CNTN5: variants seen among roughly 807,000 people sequenced by gnomAD.
The protein encoded by CNTN5 is contactin 5, also known as contactin-5.
CNTN5 carries 77 observed loss-of-function variants against 129.1 expected under a neutral mutation model. The observed-to-expected ratio is 0.60, with a 90% CI of 0.50 to 0.72. The LOEUF is 0.72. Ranked by LOEUF, CNTN5 falls within the 30% of genes least tolerant of loss-of-function variation. The pLI is 0.00. For synonymous variants in CNTN5, 509 were observed against 465.6 expected, an observed-to-expected ratio of 1.09 and a Z score of -1.20; for missense variants, 1,478 against 1,328.8, an observed-to-expected ratio of 1.11 and a Z score of -1.75.
At chr11:99,315,873 G>C (rs1865317456) in intron 1 of CNTN5, among the ~76,000 whole-genome samples, 1 of 137,922 alleles carries the variant, frequency 7.3e-6, no homozygotes, top group African/African-American at 2.5e-5. Context: ...ACCTTAGCAA[G>C]AGTTGAATGA....
At chr11:100,035,727 A>T (rs1422267663) in intron 9 of CNTN5, among the ~76,000 whole-genome samples, 1 of 148,862 alleles carries the variant, frequency 6.7e-6, no homozygotes, top group African/African-American at 2.5e-5. Flanking sequence ...GCCAGTGATG[A>T]TGAGCATTTT....
At chr11:100,327,920 C>A (rs1951823895) in intron 21 of CNTN5, among the ~76,000 whole-genome samples, 1 of 152,058 alleles carries the variant, frequency 6.6e-6, no homozygotes, top group Non-Finnish European at 1.5e-5. Context: ...GATTTTTCTT[C>A]TACATTTAAT....
intron 3 of CNTN5, among the ~76,000 whole-genome samples, chr11:99,776,683 A>AAGCAAG (rs1379401760): frequency 4.0e-5 from 6 of 151,800 alleles, no homozygotes; most frequent in Non-Finnish European, 8.8e-5. Context: ...TGCTTGCATA[A>AAGCAAG]ATATACAGCA....
At chr11:99,806,158 A>G (rs1476710175) in intron 3 of CNTN5, among the ~76,000 whole-genome samples, 1 of 152,098 alleles carries the variant, frequency 6.6e-6, no homozygotes, top group African/African-American at 2.4e-5. Context: ...ATTAATTTGG[A>G]CTAAATATTC....
intron 9 of CNTN5, among the ~76,000 whole-genome samples, chr11:100,040,787 A>G (rs1201324480): frequency 1.3e-5 from 2 of 152,204 alleles, no homozygotes; most frequent in African/African-American, 4.8e-5. Flanking sequence ...AGTGCGGGAT[A>G]TAATCTCCTG....
intron 2 of CNTN5, among the ~76,000 whole-genome samples, chr11:99,450,257 A>AATATATATATATATATAT (rs56270711): frequency 2.1e-4 from 30 of 145,990 alleles, no homozygotes; most frequent in Middle Eastern, 3.6e-3. Flanking sequence ...TGCTGGTAGA[A>AATATATATATATATATAT]ATATATATAT....
chr11:100,204,343 T>TATATATATATAA (rs1201876860), intron 15 of CNTN5, among the ~76,000 whole-genome samples: 5 of 111,430 alleles, frequency 4.5e-5, no homozygotes, highest in African/African-American at 7.6e-5. Context: ...TATATATATA[T>TATATATATATAA]AATTATAGGC....
intron 1 of CNTN5, among the ~76,000 whole-genome samples, chr11:99,304,942 A>C (rs1864807424): frequency 6.6e-6 from 1 of 152,220 alleles, no homozygotes; most frequent in African/African-American, 2.4e-5. Flanking sequence ...CATGCTCAGC[A>C]AAGGTTACTA....
At chr11:99,792,275 A>G (rs995262371) in intron 3 of CNTN5, among the ~76,000 whole-genome samples, 14 of 152,172 alleles carry the variant, frequency 9.2e-5, no homozygotes, top group Admixed American at 5.9e-4. Context: ...TGTTTCTTCA[A>G]TGCCTAATTT....
chr11:99,082,126 A>C (rs1397497417), intron 1 of CNTN5, among the ~76,000 whole-genome samples: 1 of 151,240 alleles, frequency 6.6e-6, no homozygotes, highest in African/African-American at 2.4e-5. Flanking sequence ...GAATCACCCC[A>C]GGTCCTGTGT....
intron 2 of CNTN5, among the ~76,000 whole-genome samples, chr11:99,326,956 A>G (rs1456177600): frequency 2.0e-5 from 3 of 152,174 alleles, no homozygotes; most frequent in African/African-American, 7.2e-5. Flanking sequence ...AATAATCTGT[A>G]TTCTGTCTAT....
At position 99,300,765 on chromosome 11, in the gene CNTN5, A is replaced by T. The variant is rs533265015; in HGVS notation, c.-209-24581A>T. Among the ~76,000 whole-genome samples the T allele has an allele frequency of 4.0e-4, 61 of 152,142 alleles. No homozygotes were observed. In the South Asian group the frequency reaches 5.4e-3, roughly 13 times the overall value. Reference sequence around the variant, plus strand: ...TCAGGCTGACATGAAACAGCAGTAGATGGTAACAGAAGTACATATGAAGAA... The same window carrying T: ...TCAGGCTGACATGAAACAGCAGTAGTTGGTAACAGAAGTACATATGAAGAA... On this transcript the variant is annotated intron_variant, in intron 1 of 24. Transcript: ENST00000524871.
At chr11:99,697,316 G>A (rs961507138) in intron 3 of CNTN5, among the ~76,000 whole-genome samples, 2 of 150,474 alleles carry the variant, frequency 1.3e-5, no homozygotes, top group Admixed American at 6.7e-5. Context: ...AAAAAGAGGG[G>A]GAGAGAGAGA....
At chr11:99,704,266 T>A (rs2134895127) in intron 3 of CNTN5, among the ~76,000 whole-genome samples, 1 of 151,116 alleles carries the variant, frequency 6.6e-6, no homozygotes, top group South Asian at 2.1e-4. Flanking sequence ...AAGTGCCAAG[T>A]TAAATCACAC....
At chr11:100,154,171 G>T (rs1277209327) in intron 13 of CNTN5, among the ~76,000 whole-genome samples, 1 of 151,942 alleles carries the variant, frequency 6.6e-6, no homozygotes, top group African/African-American at 2.4e-5. Flanking sequence ...TGTTCTCATT[G>T]TTTACTGCCG....
intron 2 of CNTN5, among the ~76,000 whole-genome samples, chr11:99,497,816 A>G (rs569894698): frequency 1.1e-3 from 161 of 152,260 alleles, no homozygotes; most frequent in Non-Finnish European, 1.8e-3. Flanking sequence ...ACATACTAGG[A>G]ATCATCGTTT....
intron 1 of CNTN5, among the ~76,000 whole-genome samples, chr11:99,317,023 A>C (rs1471715850): frequency 6.6e-6 from 1 of 152,168 alleles, no homozygotes; most frequent in Non-Finnish European, 1.5e-5. Flanking sequence ...AGTTGCTCTC[A>C]GATTCTCAGC....
intron 18 of CNTN5, among the ~76,000 whole-genome samples, chr11:100,291,509 C>T (rs1177215707): frequency 6.8e-6 from 1 of 148,062 alleles, no homozygotes; most frequent in Non-Finnish European, 1.5e-5. Context: ...ATCGCAAGAA[C>T]AAAAAACCAA....
Position 100,356,297 on chromosome 11 carries a change from C to G in CNTN5, c.*77C>G, listed in dbSNP as rs1019713348. The G allele has an allele frequency of 2.0e-6, 2 of 988,286 alleles. No individual in the cohort carries two copies. The highest frequency in any genetic ancestry group is 3.1e-6 in the Non-Finnish European group (2 of 638,626). 61.2% of individuals were successfully genotyped at this position (988,286 alleles called of 1,614,324 possible). On this transcript the variant is annotated 3_prime_UTR_variant, in exon 25 of 25. Coordinates refer to ENST00000524871, the MANE Select transcript of CNTN5 (RefSeq NM_014361.4). Reference sequence around the variant, plus strand: ...AATAGAGTGTAGTGTAAGTGGAGAACCAGGATCCTGAGATGAGCTTGAGCT... The same window carrying G: ...AATAGAGTGTAGTGTAAGTGGAGAAGCAGGATCCTGAGATGAGCTTGAGCT...
Sources: gnomAD v4.1 joint callset for allele counts (sites outside exome capture counted in the v4.1 genomes callset) on GRCh38, gnomAD v4.1.1 for gene constraint, MANE v1.5 for transcripts, NCBI Gene and HGNC (gene_info 2026-07-23, HGNC 2026-07-21) for gene names.